The following RNF180 variants were observed in gnomAD, a reference collection of about 807,000 sequenced individuals.
RNF180 encodes E3 ubiquitin-protein ligase RNF180.
Under a neutral mutation model 59.2 loss-of-function variants are expected in RNF180, and 38 were observed. That is an observed-to-expected ratio of 0.64 (90% CI 0.50 to 0.84). The LOEUF is 0.84. Among genes scored for constraint, RNF180 ranks in the 40% least tolerant of loss-of-function variants. RNF180 has a pLI of 0.00. For missense variants in RNF180, 705 were observed against 700.9 expected (o/e 1.01, Z -0.07); for synonymous variants, 262 against 240.3 (o/e 1.09, Z -0.84).
Position 64,303,067 on chromosome 5 carries a change from T to C in RNF180, c.1228-22119T>C, listed in dbSNP as rs527331813. Among the ~76,000 whole-genome samples, 10 of 151,818 alleles carry C rather than the reference T, an allele frequency of 6.6e-5. No homozygotes were observed. In the East Asian group the frequency reaches 1.7e-3, roughly 26 times the overall value. ...AATTGTTGCAATATTTTAAACACTT[T>C]TGTTATAATATCTGTTATGGTAATC... On this transcript the variant is annotated intron_variant, in intron 5 of 7. Transcript: ENST00000389100.
rs1413846198 is a variant in RNF180 at position 64,369,649 on chromosome 5, G to C, written c.1614G>C (p.Arg538Ser). ...GACATGCAGCTCCAGTTACAAGAAG[G>C]CAGTTCCCACACGGTGCACACAGGA... ...FRRHAAPVTRRQFPHGAHRMD... is the reference protein window; with the variant it reads ...FRRHAAPVTRSQFPHGAHRMD... The change falls in exon 8 of 8, where the codon AGG becomes AGC. Residue 538 changes from arginine (R) to serine (S), a missense_variant. Transcript: ENST00000389100. 6.5e-7 allele frequency: 1 copy of C among 1,527,722 alleles called. No individual in the cohort carries two copies. The highest frequency in any genetic ancestry group is 2.5e-5 in the East Asian group (1 of 40,404). The allele number at this position is 1,527,722 out of a possible 1,614,324, so 94.6% of individuals were successfully genotyped here. A position where few individuals can be genotyped will look rare whatever the true frequency, so the allele number is the denominator to read the frequency against.
intron 6 of RNF180, among the ~76,000 whole-genome samples, chr5:64,325,673 G>A (rs74809187): frequency 6.6e-5 from 10 of 152,124 alleles, no homozygotes; most frequent in Non-Finnish European, 1.5e-4. Flanking sequence ...GACATTTCTA[G>A]TGTTAAGGAA....
chr5:64,296,711 C>A (rs1419936206), intron 5 of RNF180, among the ~76,000 whole-genome samples: 1 of 151,838 alleles, frequency 6.6e-6, no homozygotes, highest in African/African-American at 2.4e-5. Context: ...TGCTGCTGCA[C>A]AGGTAATTAG....
intron 5 of RNF180, among the ~76,000 whole-genome samples, chr5:64,284,405 A>G (rs1434341948): frequency 2.6e-5 from 4 of 152,168 alleles, no homozygotes; most frequent in Non-Finnish European, 4.4e-5. Flanking sequence ...TTGACCTCTC[A>G]TGAGGTTAGG....
intron 5 of RNF180, among the ~76,000 whole-genome samples, chr5:64,289,584 T>C (rs1447914262): frequency 6.6e-6 from 1 of 152,210 alleles, no homozygotes; most frequent in Non-Finnish European, 1.5e-5. Flanking sequence ...TATTGGTCTA[T>C]TCAGGGATTC....
intron 5 of RNF180, among the ~76,000 whole-genome samples, chr5:64,257,965 G>A (rs1331559393): frequency 6.6e-6 from 1 of 152,176 alleles, no homozygotes; most frequent in Non-Finnish European, 1.5e-5. Flanking sequence ...AGCTGAGAAG[G>A]AGATAAAGGA....
chr5:64,258,484 T>A (rs1744121611), intron 5 of RNF180, among the ~76,000 whole-genome samples: 1 of 152,156 alleles, frequency 6.6e-6, no homozygotes, highest in African/African-American at 2.4e-5. Context: ...CAGCAGAATT[T>A]GGCAGCTAGT....
chr5:64,205,374 G>A (rs1023195396), intron 2 of RNF180, among the ~76,000 whole-genome samples: 5 of 152,204 alleles, frequency 3.3e-5, no homozygotes, highest in East Asian at 1.9e-4. Flanking sequence ...GGGGGACTTC[G>A]ACCTTGCATC....
At chr5:64,201,027 T>G in intron 2 of RNF180, 85 bp downstream of exon 2, 3 of 987,998 alleles carry the variant, frequency 3.0e-6, no homozygotes, top group Non-Finnish European at 2.9e-6. Flanking sequence ...TATTCTTCTC[T>G]ACCTTATTAA....
chr5:64,245,407 C>A (rs62372498), intron 5 of RNF180, among the ~76,000 whole-genome samples: 2,597 of 152,160 alleles, frequency 0.017, 29 homozygotes, highest in Non-Finnish European at 0.028. Context: ...AAGCTCAAAA[C>A]AAAGCAATGG....
At chr5:64,167,113 A>G (rs1267178947) in intron 1 of RNF180, among the ~76,000 whole-genome samples, 1 of 152,218 alleles carries the variant, frequency 6.6e-6, no homozygotes, top group Non-Finnish European at 1.5e-5. Flanking sequence ...GTATAAATGT[A>G]GTGCCACTGG....
At chr5:64,274,055 G>A (rs1345160656) in intron 5 of RNF180, among the ~76,000 whole-genome samples, 1 of 152,054 alleles carries the variant, frequency 6.6e-6, no homozygotes, top group Non-Finnish European at 1.5e-5. Context: ...CCTGATTTTA[G>A]TGCTGAATTG....
chr5:64,366,231 A>C (rs568151609), intron 7 of RNF180, among the ~76,000 whole-genome samples: 4 of 151,622 alleles, frequency 2.6e-5, no homozygotes, highest in African/African-American at 4.8e-5. Context: ...TATGAAGTTT[A>C]GTTTGGCCAT....
chr5:64,324,171 AT>A, intron 5 of RNF180, among the ~76,000 whole-genome samples: 1 of 152,380 alleles, frequency 6.6e-6, no homozygotes, highest in East Asian at 1.9e-4. Flanking sequence ...AAACACTGAA[AT>A]AAATGTGAGC....
In RNF180 at chr5:64,214,352, G is replaced by T; in HGVS notation, c.1026G>T (p.Met342Ile). The change falls in exon 4 of 8, where the codon ATG becomes ATT. Residue 342 changes from methionine (M) to isoleucine (I), a missense_variant. Met to Ile is a conservative substitution (Grantham distance 10). Transcript: ENST00000389100. ...ACCTGCCCTCAGCTGGCAGGAGCAT[G>T]CCGGAGGCCTCAGACCAGGAAGAGC... ...LMDLPSAGRSMPEASDQEEHL... is the reference protein window; with the variant it reads ...LMDLPSAGRSIPEASDQEEHL... 6.2e-7 allele frequency: 1 copy of T among 1,614,042 alleles called. No homozygotes were observed. Among genetic ancestry groups the T allele is most frequent in the Non-Finnish European group, 8.5e-7 (1 of 1,179,994 alleles).
At chr5:64,184,144 A>G (rs557405054) in intron 1 of RNF180, among the ~76,000 whole-genome samples, 19 of 152,326 alleles carry the variant, frequency 1.2e-4, no homozygotes, top group African/African-American at 4.3e-4. Flanking sequence ...CTGCAGCCCA[A>G]GGAGAGAGGT....
chr5:64,258,695 G>A (rs973141227), intron 5 of RNF180, among the ~76,000 whole-genome samples: 1 of 152,184 alleles, frequency 6.6e-6, no homozygotes, highest in African/African-American at 2.4e-5. Context: ...TTATACATAT[G>A]TATGTTTAGA....
intron 5 of RNF180, among the ~76,000 whole-genome samples, chr5:64,281,233 A>T (rs1741994004): frequency 6.6e-6 from 1 of 152,170 alleles, no homozygotes; most frequent in Non-Finnish European, 1.5e-5. Flanking sequence ...CTGTATATAA[A>T]ATCATATCAT....
intron 7 of RNF180, among the ~76,000 whole-genome samples, chr5:64,362,111 TG>T (rs1746279524): frequency 6.6e-6 from 1 of 151,560 alleles, no homozygotes; most frequent in Non-Finnish European, 1.5e-5. Flanking sequence ...TTTAGGTTCA[TG>T]GGTACATGTG....
Sources: gnomAD v4.1 joint callset for allele counts (sites outside exome capture counted in the v4.1 genomes callset) on GRCh38, gnomAD v4.1.1 for gene constraint, MANE v1.5 for transcripts, NCBI Gene and HGNC (gene_info 2026-07-23, HGNC 2026-07-21) for gene names.